Variants in HAUS6 observed in about 807,000 individuals in gnomAD.
HAUS6 encodes HAUS augmin like complex subunit 6, also known as HAUS augmin-like complex subunit 6.
A neutral mutation model predicts 106.8 loss-of-function variants in HAUS6; 80 were observed. The observed-to-expected ratio is 0.75, with a 90% CI of 0.63 to 0.90. The LOEUF (loss-of-function observed/expected upper bound fraction) is 0.90. Ranked by LOEUF, HAUS6 falls within the 40% of genes least tolerant of loss-of-function variation. The pLI, the probability that HAUS6 is intolerant of heterozygous loss-of-function variation, is 0.00. For synonymous variants in HAUS6, 356 were observed against 379.1 expected (o/e 0.94, Z 0.71); for missense variants, 1,155 against 1,118.1 (o/e 1.03, Z -0.47).
At position 19,082,983 on chromosome 9, in the gene HAUS6, C is replaced by A. The variant is rs763394214; in HGVS notation, c.760G>T (p.Val254Phe). Residue 254 changes from valine to phenylalanine, a missense_variant, in exon 8 of 17, where the codon GTT becomes TTT. Physicochemically the swap from Val to Phe is conservative, Grantham distance 50. Around this residue, in one of 3 missense-constraint regions of HAUS6, gnomAD observed 761 missense variants for 690.0 expected, o/e 1.10. Coordinates refer to ENST00000380502, the MANE Select transcript of HAUS6 (RefSeq NM_017645.5). ...ACAAGACTAAGGACCGAACTAACAA[C>A]TTCTCTCTCTTTTTCCAAAAACATG... Reference protein sequence around the residue: ...TLMFLEKEREVVSSVLSLVNQ... With the variant: ...TLMFLEKEREFVSSVLSLVNQ... 5.7e-6 allele frequency: 9 copies of A among 1,585,174 alleles called. No homozygotes were observed. Among genetic ancestry groups the A allele is most frequent in the Non-Finnish European group, 7.7e-6 (9 of 1,163,180 alleles).
chr9:19,102,227 C>G (rs1309225303), intron 1 of HAUS6, among the ~76,000 whole-genome samples: 2 of 152,196 alleles, frequency 1.3e-5, no homozygotes, highest in Admixed American at 1.3e-4. Flanking sequence ...CACTACTTCA[C>G]AGACCACCCC....
At chr9:19,063,644 G>T in intron 12 of HAUS6, 64 bp from the exon 13 acceptor site, 1 of 1,083,394 alleles carries the variant, frequency 9.2e-7, no homozygotes, top group Non-Finnish European at 1.4e-6. Flanking sequence ...CCCTTTACGA[G>T]TCTATTCTAA....
intron 5 of HAUS6, 104 bp downstream of exon 5, chr9:19,089,308 C>G: frequency 1.4e-6 from 1 of 713,872 alleles, no homozygotes; most frequent in African/African-American, 1.8e-5. Context: ...GAAAGATAAC[C>G]GCCAAGGTTT....
chr9:19,087,090 CT>C lies in HAUS6; in HGVS notation c.650del (p.Met218TrpfsTer24). ...AACTTCTAGCTCTAAAAGTCACTTA[CT>C]TCTTTATTTGGTTTTCCAATCCTAT... The part of the protein sequence containing the change: ...ECIGLENQIK[K>X]MEPYDDHSNM... On this transcript the variant is annotated frameshift_variant and splice_region_variant, in exon 6 of 17. Transcript: ENST00000380502. LOFTEE classifies it high-confidence loss of function. The C allele has an allele frequency of 7.0e-7, 1 of 1,424,262 alleles. No homozygotes were observed. The highest frequency in any genetic ancestry group is 9.9e-7 in the Non-Finnish European group (1 of 1,007,288). 88.2% of individuals were successfully genotyped at this position (1,424,262 alleles called of 1,614,324 possible). A position where few individuals can be genotyped will look rare whatever the true frequency, so the allele number is the denominator to read the frequency against.
intron 10 of HAUS6, 74 bp downstream of exon 10, chr9:19,078,102 G>A (rs1837051152): frequency 5.0e-6 from 6 of 1,202,456 alleles, no homozygotes; most frequent in East Asian, 2.4e-5. Flanking sequence ...CTGGGCAACA[G>A]AGCAAGACAC....
intron 11 of HAUS6, 60 bp from the exon 12 acceptor site, chr9:19,070,360 G>T (rs916393969): frequency 1.1e-6 from 1 of 941,640 alleles, no homozygotes; most frequent in Admixed American, 2.2e-5. Context: ...AACATTCAAG[G>T]ATTCCTTGAA....
intron 8 of HAUS6, 41 bp from the exon 9 acceptor site, chr9:19,080,713 T>C (rs551991328): frequency 1.9e-5 from 21 of 1,103,290 alleles, no homozygotes; most frequent in Middle Eastern, 2.3e-4. Context: ...GAACTATAGG[T>C]TGTTACAACA....
chr9:19,084,741 T>C (rs1184981530), intron 7 of HAUS6, among the ~76,000 whole-genome samples: 1 of 152,040 alleles, frequency 6.6e-6, no homozygotes, highest in Admixed American at 6.6e-5. Context: ...CAAGTGATTC[T>C]TGTGCCTCAG....
intron 9 of HAUS6, among the ~76,000 whole-genome samples, chr9:19,079,459 G>A (rs1837089142): frequency 6.6e-6 from 1 of 151,594 alleles, no homozygotes; most frequent in Admixed American, 6.6e-5. Context: ...TTGAACTTCT[G>A]ACCTGAGGTG....
At chr9:19,100,949 G>A (rs1424408028) in intron 1 of HAUS6, among the ~76,000 whole-genome samples, 1 of 152,050 alleles carries the variant, frequency 6.6e-6, no homozygotes, top group African/African-American at 2.4e-5. Context: ...AAGGAGAGAA[G>A]GAGGGAGGAA....
intron 15 of HAUS6, 32 bp downstream of exon 15, chr9:19,060,056 G>GA (rs1169525067): frequency 1.3e-6 from 2 of 1,569,614 alleles, no homozygotes; most frequent in African/African-American, 1.4e-5. Flanking sequence ...GTCGATGAAA[G>GA]AAAAAAGTAA....
intron 1 of HAUS6, among the ~76,000 whole-genome samples, chr9:19,101,970 T>C (rs1650861629): frequency 2.0e-5 from 3 of 152,166 alleles, no homozygotes; most frequent in Admixed American, 6.6e-5. Context: ...ATAGAGATAC[T>C]GGCTAAAGTT....
At chr9:19,067,893 C>T (rs527254314) in intron 12 of HAUS6, among the ~76,000 whole-genome samples, 1 of 152,026 alleles carries the variant, frequency 6.6e-6, no homozygotes, top group East Asian at 1.9e-4. Flanking sequence ...GGGGTTTCAC[C>T]ATGTTGGTCA....
chr9:19,081,822 T>C (rs969765669), intron 8 of HAUS6, among the ~76,000 whole-genome samples: 15 of 151,564 alleles, frequency 9.9e-5, no homozygotes, highest in African/African-American at 3.6e-4. Context: ...TCCCAGCACT[T>C]TGGGGGCCGA....
intron 11 of HAUS6, among the ~76,000 whole-genome samples, chr9:19,074,503 C>T (rs1057254307): frequency 6.6e-6 from 1 of 152,088 alleles, no homozygotes; most frequent in Non-Finnish European, 1.5e-5. Flanking sequence ...AACTCCTGGG[C>T]TTAAGCAATC....
chr9:19,083,646 C>T (rs1588617767), intron 7 of HAUS6, among the ~76,000 whole-genome samples: 1 of 151,668 alleles, frequency 6.6e-6, no homozygotes, highest in South Asian at 2.1e-4. Context: ...AATAAAAATA[C>T]AAAAACTTAG....
chr9:19,091,301 GAA>G (rs34918267), intron 4 of HAUS6, among the ~76,000 whole-genome samples: 34 of 137,054 alleles, frequency 2.5e-4, no homozygotes, highest in Non-Finnish European at 2.2e-4. Context: ...CTTCGTCTGC[GAA>G]AAAAAAAAAA....
intron 10 of HAUS6, among the ~76,000 whole-genome samples, chr9:19,077,740 AAT>A (rs1343719219): frequency 6.6e-6 from 1 of 152,068 alleles, no homozygotes; most frequent in Non-Finnish European, 1.5e-5. Flanking sequence ...TAAATTCACA[AAT>A]TGCCATATAT....
At chr9:19,081,481 C>T (rs1837149168) in intron 8 of HAUS6, among the ~76,000 whole-genome samples, 1 of 151,840 alleles carries the variant, frequency 6.6e-6, no homozygotes, top group South Asian at 2.1e-4. Flanking sequence ...CACTCTGTCT[C>T]CCAGGCTGGG....
Sources: allele counts gnomAD v4.1 joint callset (sites outside exome capture counted in the v4.1 genomes callset), GRCh38; gene constraint gnomAD v4.1.1; regional missense constraint gnomAD v4.1.1; transcripts MANE v1.5; gene names NCBI Gene and HGNC (gene_info 2026-07-23, HGNC 2026-07-21).